Variants in ANO3 observed in about 807,000 individuals in gnomAD.
The protein encoded by ANO3 is anoctamin-3.
ANO3 carries 99 observed loss-of-function variants against 144.8 expected under a neutral mutation model. The ratio of observed to expected loss-of-function variants is 0.68; its 90% CI spans 0.58 to 0.81. The LOEUF is 0.81. ANO3 is among the 30% of genes least tolerant of loss of function. The pLI is 0.00. For synonymous variants in ANO3, 414 were observed against 392.6 expected (o/e 1.05, Z -0.64); for missense variants, 905 against 1,202.2 (o/e 0.75, Z 3.66).
intron 18 of ANO3, among the ~76,000 whole-genome samples, chr11:26,632,581 T>TA (rs1852821148): frequency 7.0e-6 from 1 of 143,064 alleles, no homozygotes; most frequent in African/African-American, 2.6e-5. Flanking sequence ...AAATATACGT[T>TA]TTATATATAT....
chr11:26,346,463 C>T (rs891088645), intron 1 of ANO3, among the ~76,000 whole-genome samples: 7 of 152,158 alleles, frequency 4.6e-5, no homozygotes, highest in Admixed American at 2.6e-4. Flanking sequence ...CTCAAAAAGA[C>T]TCTCATTGCA....
chr11:26,241,928 A>C (rs1424759378), intron 1 of ANO3, among the ~76,000 whole-genome samples: 1 of 152,226 alleles, frequency 6.6e-6, no homozygotes, highest in East Asian at 1.9e-4. Context: ...AGAGGACAGA[A>C]GCAAGTAAGA....
chr11:26,223,084 C>T (rs1055222681), intron 1 of ANO3, among the ~76,000 whole-genome samples: 6 of 151,316 alleles, frequency 4.0e-5, no homozygotes, highest in African/African-American at 1.5e-4. Flanking sequence ...TGTAAATTTT[C>T]CAGGCTTTTC....
chr11:26,476,441 G>A (rs1365083126), intron 4 of ANO3, among the ~76,000 whole-genome samples: 1 of 152,022 alleles, frequency 6.6e-6, no homozygotes, highest in Non-Finnish European at 1.5e-5. Context: ...GGTGTGGAAA[G>A]TATCCAGATG....
intron 1 of ANO3, among the ~76,000 whole-genome samples, chr11:26,405,290 T>G (rs2133979110): frequency 6.6e-6 from 1 of 151,948 alleles, no homozygotes; most frequent in African/African-American, 2.4e-5. Context: ...CACCTTTGGA[T>G]ATCATAGTAT....
intron 6 of ANO3, among the ~76,000 whole-genome samples, chr11:26,522,516 T>C (rs963509810): frequency 6.6e-6 from 1 of 152,070 alleles, no homozygotes; most frequent in Non-Finnish European, 1.5e-5. Context: ...TGACACAAGG[T>C]ATAAAATAGC....
intron 1 of ANO3, among the ~76,000 whole-genome samples, chr11:26,274,536 A>G (rs140645825): frequency 3.9e-5 from 6 of 152,292 alleles, no homozygotes; most frequent in Non-Finnish European, 7.4e-5. Context: ...TGTTATTACC[A>G]CAGCATAACT....
intron 7 of ANO3, among the ~76,000 whole-genome samples, chr11:26,527,685 G>T (rs1849200181): frequency 6.6e-6 from 1 of 152,146 alleles, no homozygotes; most frequent in Non-Finnish European, 1.5e-5. Context: ...TAATGTACAG[G>T]CAGTTGTCCA....
chr11:26,655,564 T>C (rs1853658765), intron 24 of ANO3, among the ~76,000 whole-genome samples: 1 of 152,148 alleles, frequency 6.6e-6, no homozygotes, highest in African/African-American at 2.4e-5. Flanking sequence ...TTCTATACAA[T>C]CTACTTATTA....
At chr11:26,389,749 G>A (rs191374227) in intron 1 of ANO3, among the ~76,000 whole-genome samples, 1,586 of 152,128 alleles carry the variant, frequency 0.01, 16 homozygotes, top group Non-Finnish European at 0.016. Context: ...ATTATTCATT[G>A]TGCAGTTTTT....
At chr11:26,552,024 G>T (rs66730483) in intron 12 of ANO3, among the ~76,000 whole-genome samples, 12,074 of 151,990 alleles carry the variant, frequency 0.079, 601 homozygotes, top group East Asian at 0.14. Flanking sequence ...TGGAGAACTG[G>T]ATCTACAATC....
chr11:26,221,996 T>G (rs1852155366), intron 1 of ANO3, among the ~76,000 whole-genome samples: 1 of 152,184 alleles, frequency 6.6e-6, no homozygotes, highest in Non-Finnish European at 1.5e-5. Context: ...AAATTTTATG[T>G]CCTTCTCACA....
chr11:26,433,231 ATGT>A (rs1379112742), intron 1 of ANO3, among the ~76,000 whole-genome samples: 46 of 152,142 alleles, frequency 3.0e-4, no homozygotes, highest in African/African-American at 1.0e-3. Context: ...TGATTTTTGT[ATGT>A]TGATTTTTTT....
At chr11:26,310,199 T>C (rs571844744) in intron 1 of ANO3, among the ~76,000 whole-genome samples, 1 of 152,330 alleles carries the variant, frequency 6.6e-6, no homozygotes, top group African/African-American at 2.4e-5. Context: ...ATAAAATCCC[T>C]GAATAGTTAG....
At chr11:26,193,120 T>G (rs1408186285) in intron 1 of ANO3, among the ~76,000 whole-genome samples, 1 of 150,022 alleles carries the variant, frequency 6.7e-6, no homozygotes, top group East Asian at 1.9e-4. Context: ...GATAGTGGGA[T>G]TTTGATTTTG....
intron 4 of ANO3, among the ~76,000 whole-genome samples, chr11:26,477,205 T>C (rs1281048399): frequency 6.6e-6 from 1 of 152,068 alleles, no homozygotes; most frequent in Non-Finnish European, 1.5e-5. Context: ...TCAAAAAGTT[T>C]GCAGTTTACT....
intron 4 of ANO3, among the ~76,000 whole-genome samples, chr11:26,480,824 A>C (rs1382028846): frequency 6.6e-6 from 1 of 151,950 alleles, no homozygotes; most frequent in African/African-American, 2.4e-5. Flanking sequence ...AATATAAATA[A>C]ATAAATAAAT....
At chr11:26,503,468 A>G (rs559679803) in intron 4 of ANO3, among the ~76,000 whole-genome samples, 2 of 152,266 alleles carry the variant, frequency 1.3e-5, no homozygotes, top group South Asian at 4.1e-4. Flanking sequence ...ATATATTAAA[A>G]TAAAGTATAC....
chr11:26,604,436 C>A (rs1851882277), intron 17 of ANO3, among the ~76,000 whole-genome samples: 1 of 152,032 alleles, frequency 6.6e-6, no homozygotes, highest in Non-Finnish European at 1.5e-5. Context: ...TAGTTTTTTT[C>A]TAATTCTGTG....
Sources: allele counts gnomAD v4.1 joint callset (sites outside exome capture counted in the v4.1 genomes callset), GRCh38; gene constraint gnomAD v4.1.1; transcripts MANE v1.5; gene names NCBI Gene and HGNC (gene_info 2026-07-23, HGNC 2026-07-21).